SMAD4: variants seen among roughly 807,000 people sequenced by gnomAD.
SMAD4 encodes MAD homolog 4.
Under a neutral mutation model 63.2 loss-of-function variants are expected in SMAD4, and 7 were observed. That is an observed-to-expected ratio of 0.11 (90% confidence interval 0.06 to 0.21). The LOEUF is 0.21. Among genes scored for constraint, SMAD4 ranks in the 10% least tolerant of loss-of-function variants. SMAD4 has a pLI of 1.00. For missense variants in SMAD4, 312 were observed against 693.8 expected, an observed-to-expected ratio of 0.45 and a Z score of 6.18; for synonymous variants, 215 against 235.4, an observed-to-expected ratio of 0.91 and a Z score of 0.79.
At chr18:51,073,388 T>TATATATATATATATACACAC (rs1417299090) in intron 10 of SMAD4, among the ~76,000 whole-genome samples, 3 of 64,160 alleles carry the variant, frequency 4.7e-5, no homozygotes, top group African/African-American at 1.5e-4. Context: ...TATATATATA[T>TATATATATATATATACACAC]ACACACACAC....
chr18:51,079,856 C>T lies in SMAD4; in HGVS notation c.*1389C>T. The T allele has an allele frequency of 4.3e-6, 1 of 232,182 alleles. No homozygotes were observed. The allele number at this position is 232,182 out of a possible 1,614,324, so 14.4% of individuals were successfully genotyped here. Reference sequence around the variant, plus strand: ...TGAGTCCAATCTCAGTGATGAGGTACCTTCTACTAAATGACAGGCAACAGC... The same window carrying T: ...TGAGTCCAATCTCAGTGATGAGGTATCTTCTACTAAATGACAGGCAACAGC... On this transcript the variant is annotated 3_prime_UTR_variant, in exon 12 of 12. Transcript: ENST00000342988.
rs34344103 is a variant in SMAD4, at chr18:51,069,302, A to G, written c.1308+2115A>G. On this transcript the variant is annotated intron_variant, in intron 10 of 11. Coordinates refer to ENST00000342988, the MANE Select transcript of SMAD4 (RefSeq NM_005359.6). ...TGGCTAATTTTTGTATTTAGTAGAG[A>G]CGGGGTTTCACCGTGTTGGCCAGGC... Among the ~76,000 whole-genome samples the G allele has an allele frequency of 8.6e-3, 1,302 of 152,038 alleles. 3 individuals are homozygous for G. The highest frequency in any genetic ancestry group is 0.018 in the South Asian group (88 of 4,802).
At chr18:51,032,854 CAT>C (rs1358378848) in intron 1 of SMAD4, among the ~76,000 whole-genome samples, 2 of 152,116 alleles carry the variant, frequency 1.3e-5, no homozygotes, top group African/African-American at 4.8e-5. Context: ...TTGGTGAAAA[CAT>C]GTTGTTTTGT....
At chr18:51,033,935 C>G (rs889121907) in intron 1 of SMAD4, among the ~76,000 whole-genome samples, 3 of 152,162 alleles carry the variant, frequency 2.0e-5, no homozygotes, top group Non-Finnish European at 4.4e-5. Flanking sequence ...TTCTCATAAT[C>G]TAAGCCTTGA....
chr18:51,052,245 A>G (rs186888714), intron 4 of SMAD4: 1 of 152,660 alleles, frequency 6.6e-6, no homozygotes, highest in African/African-American at 2.4e-5. Context: ...TTGTGTCATC[A>G]TTCTCATGAT....
chr18:51,074,994 GC>G (rs1482253448), intron 10 of SMAD4, among the ~76,000 whole-genome samples: 1 of 152,178 alleles, frequency 6.6e-6, no homozygotes, highest in East Asian at 1.9e-4. Context: ...ACAGGCATCT[GC>G]CACCATGCCC....
chr18:51,049,843 A>C (rs1909654547), intron 4 of SMAD4, among the ~76,000 whole-genome samples: 1 of 152,210 alleles, frequency 6.6e-6, no homozygotes, highest in Non-Finnish European at 1.5e-5. Flanking sequence ...TAAATAAATC[A>C]AGGCTACTTT....
chr18:51,045,941 T>C (rs899416534), intron 1 of SMAD4, among the ~76,000 whole-genome samples: 3 of 152,232 alleles, frequency 2.0e-5, no homozygotes, highest in Non-Finnish European at 4.4e-5. Context: ...TCGAGGCTTA[T>C]CCATGTTATA....
chr18:51,050,993 T>G (rs1224265477), intron 4 of SMAD4: 1 of 155,924 alleles, frequency 6.4e-6, no homozygotes, highest in African/African-American at 2.4e-5. Context: ...ACTCTGCTTC[T>G]TTGCTACGCA....
intron 7 of SMAD4, 41 bp downstream of exon 7, chr18:51,058,497 T>A: frequency 7.3e-7 from 1 of 1,362,790 alleles, no homozygotes; most frequent in Non-Finnish European, 1.0e-6. Flanking sequence ...TTTTTTTTTT[T>A]TTTTGGTAGG....
intron 4 of SMAD4, chr18:51,054,562 A>G (rs1909789825): frequency 3.8e-6 from 2 of 524,884 alleles, no homozygotes; most frequent in Non-Finnish European, 6.8e-6. Flanking sequence ...TGAGAGTCAG[A>G]TTGATTGATA....
intron 5 of SMAD4, among the ~76,000 whole-genome samples, chr18:51,056,115 G>T (rs1568205511): frequency 6.6e-6 from 1 of 152,120 alleles, no homozygotes. Flanking sequence ...TAATCACTTG[G>T]TGCTTCTATT....
intron 5 of SMAD4, among the ~76,000 whole-genome samples, chr18:51,056,824 T>G (rs1909859569): frequency 6.6e-6 from 1 of 152,124 alleles, no homozygotes; most frequent in South Asian, 2.1e-4. Flanking sequence ...ACTTTACAAT[T>G]TATGTTCTTT....
In SMAD4 at chr18:51,078,588, A is replaced by C; in HGVS notation, c.*121A>C. 1.3e-6 allele frequency: 1 copy of C among 789,214 alleles called. No individual in the cohort carries two copies. The highest frequency in any genetic ancestry group is 2.0e-6 in the Non-Finnish European group (1 of 498,750). 48.9% of individuals were successfully genotyped at this position (789,214 alleles called of 1,614,324 possible). On this transcript the variant is annotated 3_prime_UTR_variant, in exon 12 of 12. Coordinates refer to ENST00000342988, the MANE Select transcript of SMAD4 (RefSeq NM_005359.6). ...GCTTTATCTTTTCATAAAGGGTTGAAAATGTGTTTGCTGCCTTGCTCCTAG... is the reference window on the plus strand; with the variant it reads ...GCTTTATCTTTTCATAAAGGGTTGACAATGTGTTTGCTGCCTTGCTCCTAG...
At chr18:51,058,026 G>T in intron 5 of SMAD4, 99 bp from the exon 6 acceptor site, 1 of 1,410,960 alleles carries the variant, frequency 7.1e-7, no homozygotes, top group Non-Finnish European at 1.0e-6. Flanking sequence ...CATCTTTATA[G>T]TTGTGCATTA....
At chr18:51,042,287 GCCTCCCTCCCTCCTTCCCTCCCTCCCTC>G (rs1177468693) in intron 1 of SMAD4, among the ~76,000 whole-genome samples, 3 of 135,322 alleles carry the variant, frequency 2.2e-5, no homozygotes, top group South Asian at 2.3e-4. Context: ...TTGCCTGCCT[GCCTCCCTCCCTCCTTCCCTCCCTCCCTC>G]CCTCCCTCCC....
At chr18:51,058,006 A>G in intron 5 of SMAD4, 119 bp from the exon 6 acceptor site, 1 of 1,201,164 alleles carries the variant, frequency 8.3e-7, no homozygotes, top group East Asian at 2.5e-5. Context: ...GGTGAGTTAC[A>G]CTTTTTGCCC....
intron 10 of SMAD4, among the ~76,000 whole-genome samples, chr18:51,071,208 G>A (rs1191852455): frequency 6.6e-6 from 1 of 151,936 alleles, no homozygotes; most frequent in Non-Finnish European, 1.5e-5. Context: ...TATGTAGATA[G>A]CATGCACCCC....
rs542392980 is a variant in SMAD4 at position 51,054,861 on chromosome 18, A to T, written c.535A>T (p.Ile179Phe). ...QPSLSTEGHSIQTIQHPPSNR... is the reference protein window; with the variant it reads ...QPSLSTEGHSFQTIQHPPSNR... The stretch of plus-strand genomic sequence containing the variant: ...ATCGTTGTCCACTGAAGGACATTCA[A>T]TTCAAACCATCCAGCATCCACCAAG... The change falls in exon 5 of 12, where the codon ATT becomes TTT. Residue 179 changes from isoleucine to phenylalanine, a missense_variant. Ile to Phe is a conservative substitution (Grantham distance 21). Transcript: ENST00000342988. 6.2e-7 allele frequency: 1 copy of T among 1,614,108 alleles called. No homozygotes were observed. Among genetic ancestry groups the T allele is most frequent in the South Asian group, 1.1e-5 (1 of 91,088 alleles).
Sources: gnomAD v4.1 joint callset for allele counts (sites outside exome capture counted in the v4.1 genomes callset) on GRCh38, gnomAD v4.1.1 for gene constraint, MANE v1.5 for transcripts, NCBI Gene and HGNC (gene_info 2026-07-23, HGNC 2026-07-21) for gene names.